The following EFNA5 variants were observed in gnomAD, a reference collection of about 807,000 sequenced individuals.
The protein encoded by EFNA5 is ephrin-A5.
Under a neutral mutation model 22.9 loss-of-function variants are expected in EFNA5, and 5 were observed. The ratio of observed to expected loss-of-function variants is 0.22; its 90% CI spans 0.11 to 0.46. The LOEUF (loss-of-function observed/expected upper bound fraction) is 0.46. Ranked by LOEUF, EFNA5 falls within the 20% of genes least tolerant of loss-of-function variation. The pLI, the probability that EFNA5 is intolerant of heterozygous loss-of-function variation, is 0.99. For synonymous variants in EFNA5, 113 were observed against 112.2 expected, an observed-to-expected ratio of 1.01 and a Z score of -0.04; for missense variants, 237 against 293.3, an observed-to-expected ratio of 0.81 and a Z score of 1.40.
chr5:107,547,218 A>G (rs342604), intron 1 of EFNA5, among the ~76,000 whole-genome samples: 115,768 of 152,120 alleles, frequency 0.76, 44,461 homozygotes, highest in African/African-American at 0.87. Context: ...AAATAGCAGA[A>G]AAGATACAAC....
chr5:107,570,139 G>A (rs890839327), intron 1 of EFNA5, among the ~76,000 whole-genome samples: 4 of 152,112 alleles, frequency 2.6e-5, no homozygotes, highest in African/African-American at 7.2e-5. Flanking sequence ...TTCACATTTT[G>A]AGAGGCAAGA....
chr5:107,662,941 A>C (rs2112562078), intron 1 of EFNA5, among the ~76,000 whole-genome samples: 1 of 152,266 alleles, frequency 6.6e-6, no homozygotes, highest in Non-Finnish European at 1.5e-5. Flanking sequence ...CGAGAAAAAA[A>C]TATGTATGGA....
chr5:107,602,567 T>C (rs1749622749), intron 1 of EFNA5, among the ~76,000 whole-genome samples: 1 of 152,142 alleles, frequency 6.6e-6, no homozygotes, highest in Non-Finnish European at 1.5e-5. Context: ...TCAGAGCCCT[T>C]ATACTTTGTT....
In EFNA5 at chr5:107,380,779, C is replaced by T. The variant is rs943805930; in HGVS notation, c.*476G>A. 13 of 400,068 alleles carry T rather than the reference C, an allele frequency of 3.2e-5. No homozygotes were observed. The highest frequency in any genetic ancestry group is 7.1e-5 in the East Asian group (2 of 28,146). 24.8% of individuals were successfully genotyped at this position (400,068 alleles called of 1,614,324 possible). A position where few individuals can be genotyped will look rare whatever the true frequency, so the allele number is the denominator to read the frequency against. ...CCTGACATGGTGACATGATGCCCTG[C>T]GCGATCATCTTACAGTTCTGAATGA... is the stretch of plus-strand genomic sequence containing the variant. On this transcript the variant is annotated 3_prime_UTR_variant, in exon 5 of 5. Transcript: ENST00000333274.
chr5:107,533,077 T>C (rs1747852969), intron 1 of EFNA5, among the ~76,000 whole-genome samples: 2 of 152,170 alleles, frequency 1.3e-5, no homozygotes, highest in Non-Finnish European at 2.9e-5. Context: ...GTTTCCTGTA[T>C]TGGATGCCTT....
intron 1 of EFNA5, among the ~76,000 whole-genome samples, chr5:107,517,719 A>G (rs1747512461): frequency 6.6e-6 from 1 of 152,204 alleles, no homozygotes; most frequent in African/African-American, 2.4e-5. Context: ...TATGCAATGT[A>G]TGTGATAATG....
chr5:107,550,584 C>T (rs1209246260), intron 1 of EFNA5, among the ~76,000 whole-genome samples: 1 of 152,090 alleles, frequency 6.6e-6, no homozygotes, highest in Non-Finnish European at 1.5e-5. Context: ...ATGTACTGTA[C>T]CTTAATAAGG....
chr5:107,471,175 G>C (rs552482458), intron 1 of EFNA5, among the ~76,000 whole-genome samples: 3 of 152,012 alleles, frequency 2.0e-5, no homozygotes, highest in Non-Finnish European at 2.9e-5. Context: ...TTGGTCCTTC[G>C]CACTCCCCAT....
intron 1 of EFNA5, among the ~76,000 whole-genome samples, chr5:107,429,001 T>C (rs978453184): frequency 6.6e-6 from 1 of 152,240 alleles, no homozygotes; most frequent in African/African-American, 2.4e-5. Context: ...CTTTCTAGTA[T>C]AGTTCCCAGG....
intron 2 of EFNA5, among the ~76,000 whole-genome samples, chr5:107,420,799 A>G (rs1016063667): frequency 6.6e-6 from 1 of 152,146 alleles, no homozygotes; most frequent in Admixed American, 6.5e-5. Flanking sequence ...ATATTTCCTG[A>G]GTAACTCTTC....
chr5:107,565,429 G>A (rs770159290), intron 1 of EFNA5, among the ~76,000 whole-genome samples: 6 of 151,924 alleles, frequency 3.9e-5, no homozygotes, highest in East Asian at 1.9e-4. Context: ...GAAGCATCTC[G>A]GAATAAATAC....
intron 1 of EFNA5, among the ~76,000 whole-genome samples, chr5:107,515,588 G>T (rs1402328307): frequency 1.3e-5 from 2 of 151,692 alleles, no homozygotes; most frequent in African/African-American, 2.4e-5. Flanking sequence ...ATGTTGGTCA[G>T]GCTGGTCTCG....
Position 107,670,635 on chromosome 5 carries a change from C to A in EFNA5, c.-22G>T, listed in dbSNP as rs762070982. Reference sequence around the variant, plus strand: ...ACATCACGCCTGGCCAGCGGCGGAGCCCCCGACGCGCCACTCCGGGGAGAG... The same window carrying A: ...ACATCACGCCTGGCCAGCGGCGGAGACCCCGACGCGCCACTCCGGGGAGAG... On this transcript the variant is annotated 5_prime_UTR_variant, in exon 1 of 5. Coordinates refer to ENST00000333274, the MANE Select transcript of EFNA5 (RefSeq NM_001962.3). The A allele has an allele frequency of 1.1e-5, 17 of 1,595,734 alleles. No homozygotes were observed. In the African/African-American group the frequency reaches 1.5e-4, roughly 14 times the overall value.
intron 1 of EFNA5, among the ~76,000 whole-genome samples, chr5:107,605,845 T>C (rs1354767045): frequency 6.6e-6 from 1 of 152,184 alleles, no homozygotes; most frequent in Non-Finnish European, 1.5e-5. Flanking sequence ...GTAAAGCCCA[T>C]ATGGGGCACT....
At chr5:107,426,437 A>G (rs767138849) in intron 2 of EFNA5, among the ~76,000 whole-genome samples, 16 of 152,254 alleles carry the variant, frequency 1.1e-4, no homozygotes, top group Non-Finnish European at 2.1e-4. Context: ...CTCCTGAGTC[A>G]GAATGCATTA....
chr5:107,427,394 T>C lies in EFNA5; in HGVS notation c.241A>G (p.Met81Val), dbSNP rs1461491891. Residue 81 changes from methionine to valine, a missense_variant, in exon 2 of 5, where the codon ATG becomes GTG. This residue lies in a region of EFNA5 where 120 missense variants were observed against 140.5 expected (regional missense o/e 0.85). Coordinates refer to ENST00000333274, the MANE Select transcript of EFNA5 (RefSeq NM_001962.3). ...EDKTERYVLY[M>V]VNFDGYSACD... Reference sequence around the variant, plus strand: ...GCACTGTAGCCATCAAAGTTCACCATGTAGAGGACATAGCGCTCAGTCTTA... The same window carrying C: ...GCACTGTAGCCATCAAAGTTCACCACGTAGAGGACATAGCGCTCAGTCTTA... 1.9e-6 allele frequency: 3 copies of C among 1,613,958 alleles called. No homozygotes were observed.
chr5:107,663,014 A>C (rs1040525751), intron 1 of EFNA5, among the ~76,000 whole-genome samples: 1 of 152,124 alleles, frequency 6.6e-6, no homozygotes, highest in African/African-American at 2.4e-5. Context: ...GCATATTATT[A>C]CTAAGTTAAA....
intron 1 of EFNA5, among the ~76,000 whole-genome samples, chr5:107,584,648 C>T (rs1749138620): frequency 6.6e-6 from 1 of 152,156 alleles, no homozygotes; most frequent in African/African-American, 2.4e-5. Context: ...ATTTGTTTTC[C>T]TTCCCAGGTG....
chr5:107,511,264 G>T (rs900802159), intron 1 of EFNA5, among the ~76,000 whole-genome samples: 1 of 152,118 alleles, frequency 6.6e-6, no homozygotes, highest in Non-Finnish European at 1.5e-5. Context: ...GACCTCAGGT[G>T]ATCAGCCCGC....
Sources: allele counts gnomAD v4.1 joint callset (sites outside exome capture counted in the v4.1 genomes callset), GRCh38; gene constraint gnomAD v4.1.1; regional missense constraint gnomAD v4.1.1; transcripts MANE v1.5; gene names NCBI Gene and HGNC (gene_info 2026-07-23, HGNC 2026-07-21).